Variants in PTPRD observed in about 807,000 individuals in gnomAD.
PTPRD encodes receptor-type tyrosine-protein phosphatase delta.
A neutral mutation model predicts 214.5 loss-of-function variants in PTPRD; 34 were observed. That is an observed-to-expected ratio of 0.16 (90% CI 0.12 to 0.21). PTPRD has a LOEUF of 0.21. Among genes scored for constraint, PTPRD ranks in the 10% least tolerant of loss-of-function variants. The pLI, the probability that PTPRD is intolerant of heterozygous loss-of-function variation, is 1.00. For synonymous variants in PTPRD, 1,128 were observed against 845.7 expected, an observed-to-expected ratio of 1.33 and a Z score of -5.79; for missense variants, 2,545 against 2,398.7, an observed-to-expected ratio of 1.06 and a Z score of -1.27.
At chr9:9,016,093 C>T (rs2099533944) in intron 11 of PTPRD, among the ~76,000 whole-genome samples, 1 of 152,146 alleles carries the variant, frequency 6.6e-6, no homozygotes, top group Admixed American at 6.6e-5. Context: ...TACTTTCCCA[C>T]AGAGCTTGTC....
intron 10 of PTPRD, among the ~76,000 whole-genome samples, chr9:9,122,613 A>T (rs1001345337): frequency 2.6e-5 from 4 of 152,180 alleles, no homozygotes; most frequent in African/African-American, 7.2e-5. Flanking sequence ...GTGTCCTCCC[A>T]TCTTGAAATG....
chr9:9,955,677 C>T (rs1275773551), intron 4 of PTPRD, among the ~76,000 whole-genome samples: 1 of 152,018 alleles, frequency 6.6e-6, no homozygotes, highest in Non-Finnish European at 1.5e-5. Flanking sequence ...GTGCCCGCCA[C>T]CATGCCCGAC....
rs538218548 is a variant in PTPRD at position 9,933,410 on chromosome 9, A to C, written c.-368+5097T>G. Among the ~76,000 whole-genome samples the C allele has an allele frequency of 4.3e-3, 660 of 151,766 alleles. 4 individuals carry two copies. Among genetic ancestry groups the C allele is most frequent in the African/African-American group, 0.015 (625 of 40,972 alleles). ...CTACCAAGCAAATGGAAAACAAAAA[A>C]AGGCAGGGGTTGCAATCCTAGTTTC... is the stretch of plus-strand genomic sequence containing the variant. On this transcript the variant is annotated intron_variant, in intron 5 of 45. Coordinates refer to ENST00000381196, the MANE Select transcript of PTPRD (RefSeq NM_002839.4).
At chr9:8,487,361 CAAT>C (rs1423891794) in intron 27 of PTPRD, among the ~76,000 whole-genome samples, 2 of 152,006 alleles carry the variant, frequency 1.3e-5, no homozygotes, top group Non-Finnish European at 2.9e-5. Flanking sequence ...TAATGGAGAG[CAAT>C]TATTATTGGA....
At chr9:10,579,809 T>C (rs2071031039) in intron 2 of PTPRD, among the ~76,000 whole-genome samples, 1 of 152,172 alleles carries the variant, frequency 6.6e-6, no homozygotes, top group Non-Finnish European at 1.5e-5. Context: ...TTCTAACTGG[T>C]GTGAGATAAT....
At chr9:10,350,208 T>C (rs772102906) in intron 2 of PTPRD, among the ~76,000 whole-genome samples, 10 of 152,144 alleles carry the variant, frequency 6.6e-5, no homozygotes, top group Non-Finnish European at 1.5e-4. Flanking sequence ...AGAGGCCTTA[T>C]CAGTTTTTAA....
At chr9:8,409,500 C>G (rs912978871) in intron 35 of PTPRD, among the ~76,000 whole-genome samples, 1 of 152,176 alleles carries the variant, frequency 6.6e-6, no homozygotes, top group African/African-American at 2.4e-5. Context: ...AAACTCCAAA[C>G]AAGAGAGTGA....
intron 9 of PTPRD, among the ~76,000 whole-genome samples, chr9:9,320,716 C>T (rs1227148864): frequency 7.9e-5 from 12 of 152,142 alleles, no homozygotes; most frequent in Admixed American, 7.9e-4. Flanking sequence ...ATTATTCATC[C>T]TTGTAGTTCA....
rs188422602 is a variant in PTPRD, at chr9:9,981,563, T to C, written c.-471-42953A>G. On this transcript the variant is annotated intron_variant, in intron 4 of 45. Coordinates refer to ENST00000381196, the MANE Select transcript of PTPRD (RefSeq NM_002839.4). ...TTTTACTAGAGACGGAGTTCCACCG[T>C]GTTAGCCAGGATGGTCTCGATCTCC... Among the ~76,000 whole-genome samples the C allele has an allele frequency of 7.9e-3, 1,205 of 151,798 alleles. 22 individuals carry two copies. Among genetic ancestry groups the C allele is most frequent in the African/African-American group, 0.028 (1,140 of 41,380 alleles).
intron 3 of PTPRD, among the ~76,000 whole-genome samples, chr9:10,084,636 A>G (rs2098298707): frequency 6.6e-6 from 1 of 151,352 alleles, no homozygotes. Flanking sequence ...TTGGGAGTCA[A>G]CAAACACTTT....
At chr9:9,192,602 A>G (rs1189072307) in intron 9 of PTPRD, among the ~76,000 whole-genome samples, 1 of 152,114 alleles carries the variant, frequency 6.6e-6, no homozygotes, top group Non-Finnish European at 1.5e-5. Context: ...TTTGATTAAG[A>G]TGATGAGACA....
At position 9,973,233 on chromosome 9, in the gene PTPRD, C is replaced by T. The variant is rs139826808; in HGVS notation, c.-471-34623G>A. On this transcript the variant is annotated intron_variant, in intron 4 of 45. Transcript: ENST00000381196. ...ATCCCAGCACTTTGAAAGGCCAAAGCGGGAGGATTGCTTGAGCTCAGGAAT... is the reference window on the plus strand; with the variant it reads ...ATCCCAGCACTTTGAAAGGCCAAAGTGGGAGGATTGCTTGAGCTCAGGAAT... Among the ~76,000 whole-genome samples, 103 of 145,418 alleles carry T rather than the reference C, an allele frequency of 7.1e-4. 1 individual carries two copies. In the East Asian group the frequency reaches 0.017, roughly 25 times the overall value.
intron 8 of PTPRD, among the ~76,000 whole-genome samples, chr9:9,504,043 G>A (rs1014252587): frequency 1.3e-5 from 2 of 151,402 alleles, no homozygotes. Flanking sequence ...CTCCCCAAAT[G>A]CACCACATAG....
chr9:9,775,770 A>C (rs952993366), intron 5 of PTPRD, among the ~76,000 whole-genome samples: 18 of 152,158 alleles, frequency 1.2e-4, no homozygotes, highest in South Asian at 6.2e-4. Context: ...GGTGAAACCC[A>C]GTCTCTACTG....
intron 7 of PTPRD, among the ~76,000 whole-genome samples, chr9:9,637,827 C>G (rs1456073939): frequency 1.3e-5 from 2 of 152,138 alleles, no homozygotes; most frequent in Non-Finnish European, 2.9e-5. Flanking sequence ...CAGTTCCACC[C>G]CTGCAGTAGG....
At chr9:10,212,408 G>A (rs1358619436) in intron 3 of PTPRD, among the ~76,000 whole-genome samples, 1 of 152,040 alleles carries the variant, frequency 6.6e-6, no homozygotes, top group Admixed American at 6.6e-5. Flanking sequence ...GACCAAAAGA[G>A]CAGAATATGT....
intron 10 of PTPRD, among the ~76,000 whole-genome samples, chr9:9,083,100 C>A (rs1209890528): frequency 6.6e-6 from 1 of 152,106 alleles, no homozygotes; most frequent in Non-Finnish European, 1.5e-5. Flanking sequence ...TCAAGACAAT[C>A]CTAAGCAAAA....
intron 14 of PTPRD, among the ~76,000 whole-genome samples, chr9:8,547,418 A>G (rs1363104763): frequency 2.6e-5 from 4 of 152,122 alleles, no homozygotes; most frequent in African/African-American, 9.7e-5. Context: ...CAAGGTGGGC[A>G]GATTGCCTGA....
intron 11 of PTPRD, among the ~76,000 whole-genome samples, chr9:8,929,289 A>G (rs985882651): frequency 9.9e-5 from 15 of 152,108 alleles, no homozygotes; most frequent in Non-Finnish European, 1.6e-4. Flanking sequence ...GAATCCTTTC[A>G]GCTTTGGCCG....
Sources: gnomAD v4.1 joint callset for allele counts (sites outside exome capture counted in the v4.1 genomes callset) on GRCh38, gnomAD v4.1.1 for gene constraint, MANE v1.5 for transcripts, NCBI Gene and HGNC (gene_info 2026-07-23, HGNC 2026-07-21) for gene names.